Variants in DUOX1 observed in about 807,000 individuals in gnomAD.
DUOX1 encodes the protein dual oxidase 1, also known as NADPH thyroid oxidase 1.
Under a neutral mutation model 181.8 loss-of-function variants are expected in DUOX1, and 134 were observed. That is an observed-to-expected ratio of 0.74 (90% CI 0.64 to 0.85). The LOEUF is 0.85. Among genes scored for constraint, DUOX1 ranks in the 40% least tolerant of loss-of-function variants. DUOX1 has a pLI of 0.00. For missense variants in DUOX1, 1,814 were observed against 2,064.4 expected (o/e 0.88, Z 2.35); for synonymous variants, 798 against 832.5 (o/e 0.96, Z 0.71).
chr15:45,137,971 T>A lies in DUOX1; in HGVS notation c.1070T>A (p.Val357Asp), dbSNP rs554022526. The change falls in exon 10 of 34, where the codon GTC becomes GAC. Residue 357 changes from valine to aspartate, a missense_variant. Val to Asp is a radical substitution (Grantham distance 152, BLOSUM62 -3). This residue lies in a region of DUOX1 where 1,064 missense variants were observed against 1,152.9 expected (regional missense o/e 0.92). Transcript: ENST00000389037. ...GGGGTCATCAATCGGAACTCAAGTG[T>A]CTCCAGAGCTCTCCGGGTCTGCAAC... ...FQGVINRNSS[V>D]SRALRVCNSY... 6 of 1,610,636 alleles carry A rather than the reference T, an allele frequency of 3.7e-6. No homozygotes were observed. In the African/African-American group the frequency reaches 8.0e-5, roughly 22 times the overall value.
Position 45,141,170 on chromosome 15 carries a change from C to T in DUOX1, c.1565+100C>T, listed in dbSNP as rs112335050. On this transcript the variant is annotated intron_variant, in intron 13 of 33. Coordinates refer to ENST00000389037, the MANE Select transcript of DUOX1 (RefSeq NM_175940.3). ...CCCCCATGAGCCCTTGATTCCAAGC[C>T]AGCCCACCACCCACTTCCCAACACC... The T allele has an allele frequency of 3.0e-3, 4,657 of 1,567,726 alleles. 21 individuals carry two copies. The highest frequency in any genetic ancestry group is 0.016 in the Middle Eastern group (77 of 4,860).
Position 45,163,520 on chromosome 15 carries a change from C to G in DUOX1, c.4249-12C>G, listed in dbSNP as rs1030447352. On this transcript the variant is annotated splice_polypyrimidine_tract_variant and intron_variant, in intron 31 of 33. Transcript: ENST00000389037. ...CTGAGATGGGTCCTGAACTCCAGCCCTGTGTCCCCAGATCTACTTCATCTG... is the reference window on the plus strand; with the variant it reads ...CTGAGATGGGTCCTGAACTCCAGCCGTGTGTCCCCAGATCTACTTCATCTG... 2 of 1,613,870 alleles carry G rather than the reference C, an allele frequency of 1.2e-6. No homozygotes were observed. Among genetic ancestry groups the G allele is most frequent in the Non-Finnish European group, 1.7e-6 (2 of 1,180,002 alleles).
Position 45,151,133 on chromosome 15 carries a change from A to G in DUOX1, c.2899A>G (p.Arg967Gly). Reference sequence around the variant, plus strand: ...CCATTCTTGTCTTAGTCCCTCTCCCAGAGTGAGTGCCCGCTGTTCCCGCAG... The same window carrying G: ...CCATTCTTGTCTTAGTCCCTCTCCCGGAGTGAGTGCCCGCTGTTCCCGCAG... ...ISQDMICPSPRVSARCSRSDI... is the reference protein window; with the variant it reads ...ISQDMICPSPGVSARCSRSDI... The change falls in exon 23 of 34, where the codon AGA (arginine) becomes GGA (glycine). Residue 967 changes from arginine to glycine, a missense_variant. Coordinates refer to ENST00000389037, the MANE Select transcript of DUOX1 (RefSeq NM_175940.3). 1 of 1,614,128 alleles carries G rather than the reference A, an allele frequency of 6.2e-7. No individual in the cohort carries two copies. Among genetic ancestry groups the G allele is most frequent in the Non-Finnish European group, 8.5e-7 (1 of 1,180,016 alleles).
At chr15:45,131,223 C>A (rs998671481) in intron 1 of DUOX1, among the ~76,000 whole-genome samples, 1 of 152,160 alleles carries the variant, frequency 6.6e-6, no homozygotes, top group African/African-American at 2.4e-5. Context: ...AGCCTGAGTC[C>A]TCTGCTGCCT....
chr15:45,134,327 TG>T lies in DUOX1; in HGVS notation c.307+22del. On this transcript the variant is annotated intron_variant, in intron 4 of 33. Transcript: ENST00000389037. ...CTTCTTTGGTGAGAACTTCAACCTC[TG>T]GGGAAGGAAGCCGGTGGGGTCGGCT... is the stretch of plus-strand genomic sequence containing the variant. The T allele has an allele frequency of 1.3e-6, 2 of 1,578,524 alleles. No individual in the cohort carries two copies. The highest frequency in any genetic ancestry group is 1.2e-5 in the South Asian group (1 of 86,166).
intron 9 of DUOX1, 149 bp from the exon 10 acceptor site, chr15:45,137,775 C>T: frequency 1.9e-6 from 1 of 537,418 alleles, no homozygotes; most frequent in Non-Finnish European, 3.2e-6. Flanking sequence ...AAAGTCAGAC[C>T]CTCCAGGATG....
chr15:45,160,050 G>T (rs1897059730), intron 28 of DUOX1, among the ~76,000 whole-genome samples: 1 of 152,146 alleles, frequency 6.6e-6, no homozygotes, highest in South Asian at 2.1e-4. Context: ...TACTCGGGAG[G>T]CTGAGGCAGG....
In DUOX1 at chr15:45,144,058, G is replaced by T. The variant is rs548552822; in HGVS notation, c.1959G>T (p.Lys653Asn). 13 of 1,614,010 alleles carry T rather than the reference G, an allele frequency of 8.1e-6. 1 individual carries two copies. The South Asian group carries it at 1.2e-4, about 15-fold the overall frequency. Residue 653 changes from lysine (K) to asparagine (N), a missense_variant, in exon 17 of 34, where the codon AAG becomes AAT. Lys to Asn is a moderately conservative substitution (Grantham distance 94). Transcript: ENST00000389037. Reference protein sequence around the residue: ...GMEALEWQGHKEPCRPVLVYL... With the variant: ...GMEALEWQGHNEPCRPVLVYL... ...TAGCTTTGGAATGGCAAGGCCACAA[G>T]GAGCCCTGCCGGCCCGTGCTTGTGT...
intron 1 of DUOX1, among the ~76,000 whole-genome samples, chr15:45,130,375 A>G (rs1191460074): frequency 6.6e-6 from 1 of 152,216 alleles, no homozygotes; most frequent in African/African-American, 2.4e-5. Context: ...TCCTGGCACC[A>G]GCACAACATA....
chr15:45,154,051 G>C (rs376346644), intron 27 of DUOX1, 51 bp downstream of exon 27: 1 of 1,581,898 alleles, frequency 6.3e-7, no homozygotes, highest in African/African-American at 1.3e-5. Flanking sequence ...GTGAGTTCAA[G>C]GCTCTGGGTT....
At chr15:45,148,172 C>T (rs1896703911) in intron 20 of DUOX1, 100 bp from the exon 21 acceptor site, 2 of 1,570,110 alleles carry the variant, frequency 1.3e-6, no homozygotes, top group Non-Finnish European at 1.7e-6. Flanking sequence ...GGGGCCCCTC[C>T]ACATGGGCAC....
At chr15:45,161,612 C>T (rs1419100169) in intron 29 of DUOX1, 126 bp from the exon 30 acceptor site, 1 of 842,598 alleles carries the variant, frequency 1.2e-6, no homozygotes, top group Non-Finnish European at 1.9e-6. Context: ...GGGTGAGCTT[C>T]TGATGGGGGA....
rs1466145609 is a variant in DUOX1, at chr15:45,134,148, C to G, written c.146C>G (p.Ser49Cys). 3.2e-6 allele frequency: 5 copies of G among 1,551,192 alleles called. No individual in the cohort carries two copies. The highest frequency in any genetic ancestry group is 3.5e-6 in the Non-Finnish European group (4 of 1,154,184). Residue 49 changes from serine to cysteine, a missense_variant, in exon 4 of 34, where the codon TCC becomes TGC. Ser to Cys is a moderately radical substitution (Grantham distance 112). Transcript: ENST00000389037. Reference protein sequence around the residue: ...LMEHRWGSKGSRLQRLVPASY... With the variant: ...LMEHRWGSKGCRLQRLVPASY... ...ATCCTTACCCCTCCTACCCCAGGCT[C>G]CCGGCTGCAGCGCCTGGTCCCAGCC...
chr15:45,163,448 G>A (rs1897154088), intron 31 of DUOX1, 84 bp from the exon 32 acceptor site: 7 of 1,574,794 alleles, frequency 4.4e-6, no homozygotes, highest in Non-Finnish European at 6.0e-6. Flanking sequence ...GCTGTGGTCA[G>A]AAGAGTTCTA....
At chr15:45,131,735 A>T in intron 1 of DUOX1, 183 bp from the exon 2 acceptor site, 1 of 577,978 alleles carries the variant, frequency 1.7e-6, no homozygotes, top group Non-Finnish European at 3.1e-6. Flanking sequence ...GCTGGTATGT[A>T]GTGGTGCTCA....
chr15:45,163,455 T>C (rs1897154332), intron 31 of DUOX1, 77 bp from the exon 32 acceptor site: 3 of 1,586,634 alleles, frequency 1.9e-6, no homozygotes, highest in Non-Finnish European at 2.6e-6. Flanking sequence ...TCAGAAGAGT[T>C]CTATCAGTAT....
intron 2 of DUOX1, among the ~76,000 whole-genome samples, chr15:45,132,822 A>G (rs1230138064): frequency 6.6e-6 from 1 of 151,922 alleles, no homozygotes; most frequent in Non-Finnish European, 1.5e-5. Context: ...CTTTCCCTGT[A>G]CTGTCCTGCA....
intron 18 of DUOX1, among the ~76,000 whole-genome samples, chr15:45,146,577 A>C (rs1001799409): frequency 6.6e-5 from 10 of 152,202 alleles, no homozygotes; most frequent in Middle Eastern, 3.2e-3. Flanking sequence ...CTGTGAGATA[A>C]GTAGGGCAGA....
intron 12 of DUOX1, chr15:45,139,829 C>T (rs1394779894): frequency 6.5e-6 from 4 of 619,536 alleles, no homozygotes; most frequent in East Asian, 5.6e-5. Context: ...GTGTATTAAG[C>T]ATCTATTGTT....
Sources: allele counts gnomAD v4.1 joint callset (sites outside exome capture counted in the v4.1 genomes callset), GRCh38; gene constraint gnomAD v4.1.1; regional missense constraint gnomAD v4.1.1; transcripts MANE v1.5; gene names NCBI Gene and HGNC (gene_info 2026-07-23, HGNC 2026-07-21).